Variants in GABBR1 observed in about 807,000 individuals in gnomAD.
GABBR1 encodes GABA-B receptor, R1 subunit.
GABBR1 carries 35 observed loss-of-function variants against 117.7 expected under a neutral mutation model. The observed-to-expected ratio is 0.30, with a 90% CI of 0.23 to 0.39. The LOEUF (loss-of-function observed/expected upper bound fraction) is 0.39, where lower values mean the gene tolerates loss of function less well. Among genes scored for constraint, GABBR1 ranks in the 10% least tolerant of loss-of-function variants. The pLI is 1.00. For synonymous variants in GABBR1, 442 were observed against 486.6 expected (o/e 0.91, Z 1.21); for missense variants, 709 against 1,241.8 (o/e 0.57, Z 6.45).
chr6:29,606,854 C>T lies in GABBR1; in HGVS notation c.2217+43G>A, dbSNP rs740884. On this transcript the variant is annotated intron_variant, in intron 18 of 22. Transcript: ENST00000377034. This position sits in a 1 kb window ranked among gnomAD's most constrained non-coding sequence, Gnocchi z 4.5. ...CCCAGGGCCCTGATGGCCACTGAGC[C>T]CTGCTCATTCTCCTGACCATAGCAC... The T allele has an allele frequency of 0.061, 94,292 of 1,543,014 alleles. 3,579 individuals are homozygous for T. Among genetic ancestry groups the T allele is most frequent in the Middle Eastern group, 0.18 (1,097 of 5,932 alleles).
In GABBR1 at chr6:29,623,487, G is replaced by A. The variant is rs758377364; in HGVS notation, c.793-12C>T. The A allele has an allele frequency of 1.2e-6, 2 of 1,612,336 alleles. No homozygotes were observed. The highest frequency in any genetic ancestry group is 2.7e-5 in the African/African-American group (2 of 74,850). ...GAGCCATAGGAAAGCTGTGGGGCAG[G>A]GAGAGTGAGTGCAACAGGGTCTGTT... On this transcript the variant is annotated splice_polypyrimidine_tract_variant and intron_variant, in intron 7 of 22. Coordinates refer to ENST00000377034, the MANE Select transcript of GABBR1 (RefSeq NM_001470.4). This position sits in a 1 kb window ranked among gnomAD's most constrained non-coding sequence, Gnocchi z 6.2.
At chr6:29,608,138 A>T (rs1762146822) in intron 16 of GABBR1, among the ~76,000 whole-genome samples, 1 of 152,224 alleles carries the variant, frequency 6.6e-6, no homozygotes, top group African/African-American at 2.4e-5. Context: ...ATGTACCAAC[A>T]GTCCCAGAGC....
Position 29,602,772 on chromosome 6 carries a change from T to C in GABBR1, c.*771A>G, listed in dbSNP as rs1562069228. 1 of 345,710 alleles carries C rather than the reference T, an allele frequency of 2.9e-6. No individual in the cohort carries two copies. Among genetic ancestry groups the C allele is most frequent in the South Asian group, 2.2e-5 (1 of 44,694 alleles). The allele number at this position is 345,710 out of a possible 1,614,324, so 21.4% of individuals were successfully genotyped here. A position where few individuals can be genotyped will look rare whatever the true frequency, so the allele number is the denominator to read the frequency against. ...GACATGACTCAGCATGCTAGACAAA[T>C]TGCACATGCCTACCCAAACACGCTC... On this transcript the variant is annotated 3_prime_UTR_variant, in exon 23 of 23. Coordinates refer to ENST00000377034, the MANE Select transcript of GABBR1 (RefSeq NM_001470.4).
intron 11 of GABBR1, among the ~76,000 whole-genome samples, chr6:29,618,671 C>T (rs1763425830): frequency 6.6e-6 from 1 of 152,162 alleles, no homozygotes; most frequent in African/African-American, 2.4e-5. Flanking sequence ...CTCCCACATT[C>T]CCCTCTAGCC....
rs373329541 is a variant in GABBR1, at chr6:29,618,925, A to G, written c.1323+2176T>C. 3.7e-4 allele frequency among the ~76,000 whole-genome samples: 57 copies of G among 152,264 alleles called. No individual in the cohort carries two copies. The South Asian group carries it at 7.0e-3, about 19-fold the overall frequency. On this transcript the variant is annotated intron_variant, in intron 11 of 22. Transcript: ENST00000377034. ...CTACCCCCAACTGTAACAACCAAAAATGCCTCCAGATAGTATAGCGTCTGA... is the reference window on the plus strand; with the variant it reads ...CTACCCCCAACTGTAACAACCAAAAGTGCCTCCAGATAGTATAGCGTCTGA...
rs1309617231 is a variant in GABBR1 at position 29,631,664 on chromosome 6, C to T, written c.86-65G>A. 2 of 1,455,586 alleles carry T rather than the reference C, an allele frequency of 1.4e-6. No homozygotes were observed. Among genetic ancestry groups the T allele is most frequent in the East Asian group, 2.3e-5 (1 of 44,078 alleles). The allele number at this position is 1,455,586 out of a possible 1,614,324, so 90.2% of individuals were successfully genotyped here. A position where few individuals can be genotyped will look rare whatever the true frequency, so the allele number is the denominator to read the frequency against. On this transcript the variant is annotated intron_variant, in intron 2 of 22. Transcript: ENST00000377034. This position sits in a 1 kb window ranked among gnomAD's most constrained non-coding sequence, Gnocchi z 5.9. ...GGGAAAGAGGAAAAGGCAGGCTCCC[C>T]AGTGGGAGGAAGGGGAGAGTAGGGC...
chr6:29,629,043 G>A, intron 5 of GABBR1, 44 bp downstream of exon 5: 1 of 1,610,470 alleles, frequency 6.2e-7, no homozygotes, highest in African/African-American at 1.3e-5. Flanking sequence ...GCAGAGTGAA[G>A]GGGAGGGCAT....
chr6:29,608,480 A>T, intron 16 of GABBR1, 121 bp downstream of exon 16: 1 of 1,056,478 alleles, frequency 9.5e-7, no homozygotes. Context: ...GAAGGAAAGA[A>T]CAGGGACAAG....
At position 29,627,260 on chromosome 6, in the gene GABBR1, G is replaced by A. The variant is rs1326728205; in HGVS notation, c.657+226C>T. 1.3e-5 allele frequency among the ~76,000 whole-genome samples: 2 copies of A among 152,154 alleles called. No homozygotes were observed. Among genetic ancestry groups the A allele is most frequent in the Non-Finnish European group, 2.9e-5 (2 of 68,018 alleles). ...GCAGCGGGGCAGAAGGGTCTGCCTT[G>A]CAGCATGCTTAACCATCTTGAGCCC... On this transcript the variant is annotated intron_variant, in intron 6 of 22. Coordinates refer to ENST00000377034, the MANE Select transcript of GABBR1 (RefSeq NM_001470.4). This position sits in a 1 kb window ranked among gnomAD's most constrained non-coding sequence, Gnocchi z 4.4.
Position 29,602,515 on chromosome 6 carries a change from ATGC to A in GABBR1, c.*1025_*1027del. The A allele has an allele frequency of 6.0e-5, 10 of 166,682 alleles. No individual in the cohort carries two copies. The highest frequency in any genetic ancestry group is 2.2e-4 in the Admixed American group (4 of 17,976). 10.3% of individuals were successfully genotyped at this position (166,682 alleles called of 1,614,324 possible). On this transcript the variant is annotated 3_prime_UTR_variant, in exon 23 of 23. Coordinates refer to ENST00000377034, the MANE Select transcript of GABBR1 (RefSeq NM_001470.4). ...AGTGTAGACTGAGGGTAGTACATGA[ATGC>A]AATGGAGATGGGGGGAATCTGAGCA...
intron 22 of GABBR1, 79 bp from the exon 23 acceptor site, chr6:29,603,795 G>A (rs1231965538): frequency 3.6e-6 from 4 of 1,108,570 alleles, no homozygotes; most frequent in Middle Eastern, 2.1e-4. Context: ...GAGAGGAAGG[G>A]CACAGGGAAA....
intron 5 of GABBR1, chr6:29,628,052 T>C (rs1436731749): frequency 5.1e-5 from 49 of 962,416 alleles, no homozygotes; most frequent in Non-Finnish European, 5.7e-5. Flanking sequence ...GAGGGAGATG[T>C]GGGGCTGGGA....
At position 29,611,144 on chromosome 6, in the gene GABBR1, C is replaced by G. The variant is rs1190335401; in HGVS notation, c.1631-143G>C. 5 of 614,852 alleles carry G rather than the reference C, an allele frequency of 8.1e-6. No individual in the cohort carries two copies. The East Asian group carries it at 1.4e-4, about 17-fold the overall frequency. 38.1% of individuals were successfully genotyped at this position (614,852 alleles called of 1,614,324 possible). ...GAGGCCCTAAGGATGCTTGGAAGGA[C>G]CTACGAGACTCTTGAATCAGCAACA... On this transcript the variant is annotated intron_variant, in intron 13 of 22. Coordinates refer to ENST00000377034, the MANE Select transcript of GABBR1 (RefSeq NM_001470.4). The surrounding 1 kb of genome is among the most constrained non-coding windows in gnomAD (Gnocchi z 4.6).
rs1763699007 is a variant in GABBR1 at position 29,621,033 on chromosome 6, C to T, written c.1323+68G>A. ...CCGCACCCTCTCCCTGCCACCCTTT[C>T]CCCTGCAAGGCCCCCTCAGTCCTCT... is the stretch of plus-strand genomic sequence containing the variant. On this transcript the variant is annotated intron_variant, in intron 11 of 22. Transcript: ENST00000377034. The surrounding 1 kb of genome is among the most constrained non-coding windows in gnomAD (Gnocchi z 5.0). 1.4e-6 allele frequency: 2 copies of T among 1,414,806 alleles called. No homozygotes were observed. Among genetic ancestry groups the T allele is most frequent in the South Asian group, 2.6e-5 (2 of 78,372 alleles). The allele number at this position is 1,414,806 out of a possible 1,614,324, so 87.6% of individuals were successfully genotyped here.
At chr6:29,610,382 A>G (rs1462978407) in intron 14 of GABBR1, among the ~76,000 whole-genome samples, 1 of 152,228 alleles carries the variant, frequency 6.6e-6, no homozygotes, top group African/African-American at 2.4e-5. Flanking sequence ...GGACTTCACC[A>G]CTATGCAATA....
rs746629168 is a variant in GABBR1, at chr6:29,609,398, G to C, written c.1709-19C>G. ...GACCCTCCTGCATGGCACAGGGGAGGAAGAGGGGAAGGGAAAAGAGAAGGG... is the reference window on the plus strand; with the variant it reads ...GACCCTCCTGCATGGCACAGGGGAGCAAGAGGGGAAGGGAAAAGAGAAGGG... On this transcript the variant is annotated intron_variant, in intron 14 of 22. Coordinates refer to ENST00000377034, the MANE Select transcript of GABBR1 (RefSeq NM_001470.4). This position sits in a 1 kb window ranked among gnomAD's most constrained non-coding sequence, Gnocchi z 4.3. 276 of 1,610,926 alleles carry C rather than the reference G, an allele frequency of 1.7e-4. No homozygotes were observed. Among genetic ancestry groups the C allele is most frequent in the Non-Finnish European group, 2.1e-4 (252 of 1,178,526 alleles).
In GABBR1 at chr6:29,630,086, A is replaced by C; in HGVS notation, c.475+372T>G. 4.7e-6 allele frequency: 1 copy of C among 212,618 alleles called. No homozygotes were observed. 13.2% of individuals were successfully genotyped at this position (212,618 alleles called of 1,614,324 possible). On this transcript the variant is annotated intron_variant, in intron 4 of 22. Coordinates refer to ENST00000377034, the MANE Select transcript of GABBR1 (RefSeq NM_001470.4). The surrounding 1 kb of genome is among the most constrained non-coding windows in gnomAD (Gnocchi z 4.9). ...TTATATAAGGAATGGTGAGGGATGA[A>C]TTCTAGAAGAGGGTGATGCATGGAA...
Position 29,606,096 on chromosome 6 carries a change from T to C in GABBR1, c.2311+295A>G, listed in dbSNP as rs145769923. On this transcript the variant is annotated intron_variant, in intron 19 of 22. Transcript: ENST00000377034. The surrounding 1 kb of genome is among the most constrained non-coding windows in gnomAD (Gnocchi z 4.5). ...ACAATGCTAATAAGGCCAAGGGGGA[T>C]CTAAAAGATAATGTCAAGTCTGGAG... 299 of 545,308 alleles carry C rather than the reference T, an allele frequency of 5.5e-4. 1 individual carries two copies. Among genetic ancestry groups the C allele is most frequent in the African/African-American group, 5.2e-3 (277 of 53,386 alleles). The allele number at this position is 545,308 out of a possible 1,614,324, so 33.8% of individuals were successfully genotyped here.
At chr6:29,610,876 T>C (rs750536865) in intron 14 of GABBR1, 48 bp downstream of exon 14, 1 of 1,516,430 alleles carries the variant, frequency 6.6e-7, no homozygotes, top group Non-Finnish European at 9.2e-7. Flanking sequence ...ACTTTTTCCC[T>C]TGACTGTCGA....
Sources: gnomAD v4.1 joint callset for allele counts (sites outside exome capture counted in the v4.1 genomes callset) on GRCh38, gnomAD v4.1.1 for gene constraint, Gnocchi (gnomAD v3.1) non-coding constraint, MANE v1.5 for transcripts, NCBI Gene and HGNC (gene_info 2026-07-23, HGNC 2026-07-21) for gene names.